DLGAP2: variants seen among roughly 807,000 people sequenced by gnomAD.
The protein encoded by DLGAP2 is disks large-associated protein 2.
In DLGAP2, 26 loss-of-function variants were observed where a neutral mutation model predicts 100.3. That is an observed-to-expected ratio of 0.26 (90% confidence interval 0.19 to 0.36). The LOEUF is 0.36. Among genes scored for constraint, DLGAP2 ranks in the 10% least tolerant of loss-of-function variants. DLGAP2 has a pLI of 1.00. For missense variants in DLGAP2, 1,858 were observed against 1,453.2 expected, an observed-to-expected ratio of 1.28 and a Z score of -4.53; for synonymous variants, 886 against 630.1, an observed-to-expected ratio of 1.41 and a Z score of -6.08.
intron 3 of DLGAP2, among the ~76,000 whole-genome samples, chr8:1,390,701 G>C (rs1207507048): frequency 6.6e-6 from 1 of 152,152 alleles, no homozygotes; most frequent in Non-Finnish European, 1.5e-5. Context: ...GGGTGCTGGT[G>C]GTGAGGGAGG....
At chr8:879,457 C>T (rs953315970) in intron 1 of DLGAP2, among the ~76,000 whole-genome samples, 2 of 152,162 alleles carry the variant, frequency 1.3e-5, no homozygotes, top group Non-Finnish European at 2.9e-5. Context: ...GGGTGTTGAG[C>T]GCTAGGCTCA....
At chr8:1,164,930 A>C (rs1796984990) in intron 2 of DLGAP2, among the ~76,000 whole-genome samples, 1 of 152,128 alleles carries the variant, frequency 6.6e-6, no homozygotes, top group African/African-American at 2.4e-5. Flanking sequence ...CAATCGTGGA[A>C]AATGATAAAG....
chr8:1,683,047 A>G (rs1798999444), intron 12 of DLGAP2, among the ~76,000 whole-genome samples: 1 of 151,648 alleles, frequency 6.6e-6, no homozygotes, highest in Non-Finnish European at 1.5e-5. Context: ...ACTCTCCGAT[A>G]GACAAAAATG....
chr8:1,491,333 C>T (rs949503965), intron 3 of DLGAP2, among the ~76,000 whole-genome samples: 4 of 152,208 alleles, frequency 2.6e-5, no homozygotes, highest in Admixed American at 2.6e-4. Context: ...GCCGCTGCTC[C>T]TGACCCCGGA....
At chr8:1,099,380 C>T (rs2129043361) in intron 2 of DLGAP2, among the ~76,000 whole-genome samples, 1 of 152,310 alleles carries the variant, frequency 6.6e-6, no homozygotes, top group South Asian at 2.1e-4. Context: ...TTCCTGCAGC[C>T]ATTTATCTTT....
At chr8:1,053,128 G>A (rs1473518033) in intron 2 of DLGAP2, among the ~76,000 whole-genome samples, 1 of 152,210 alleles carries the variant, frequency 6.6e-6, no homozygotes, top group African/African-American at 2.4e-5. Flanking sequence ...GAAAAGAGGT[G>A]CTGTACGTTT....
Position 1,630,867 on chromosome 8 carries a change from A to C in DLGAP2, c.1591-1960A>C, listed in dbSNP as rs528819340. Among the ~76,000 whole-genome samples, 12 of 150,206 alleles carry C rather than the reference A, an allele frequency of 8.0e-5. No homozygotes were observed. In the South Asian group the frequency reaches 2.5e-3, roughly 32 times the overall value. ...ACTCTGCTTGGGTTTCCTGCAGCTC[A>C]TGTCCCGAGGGTCTCGGCGGGAGGT... is the stretch of plus-strand genomic sequence containing the variant. On this transcript the variant is annotated intron_variant, in intron 7 of 14. Transcript: ENST00000637795.
At chr8:1,295,502 G>A (rs1003106285) in intron 3 of DLGAP2, among the ~76,000 whole-genome samples, 2 of 152,136 alleles carry the variant, frequency 1.3e-5, no homozygotes, top group South Asian at 2.1e-4. Context: ...TCTGTCCACC[G>A]TGATCTGCTG....
intron 1 of DLGAP2, among the ~76,000 whole-genome samples, chr8:882,791 G>A (rs1221489418): frequency 1.3e-5 from 2 of 152,266 alleles, no homozygotes; most frequent in Non-Finnish European, 2.9e-5. Context: ...GGGCAGCCGT[G>A]CCTGGCCCAG....
At chr8:982,210 G>C (rs943273871) in intron 2 of DLGAP2, among the ~76,000 whole-genome samples, 1 of 152,220 alleles carries the variant, frequency 6.6e-6, no homozygotes, top group African/African-American at 2.4e-5. Flanking sequence ...ACGGAGCAGA[G>C]ATAATAACAG....
At chr8:1,519,589 C>T (rs1158140209) in intron 4 of DLGAP2, among the ~76,000 whole-genome samples, 2 of 152,356 alleles carry the variant, frequency 1.3e-5, no homozygotes, top group South Asian at 2.1e-4. Context: ...TTCTGACGAC[C>T]CTGAGCCTGG....
At chr8:1,537,672 T>A (rs1328859865) in intron 4 of DLGAP2, among the ~76,000 whole-genome samples, 1 of 151,566 alleles carries the variant, frequency 6.6e-6, no homozygotes, top group Admixed American at 6.6e-5. Context: ...TGCCTGTGGC[T>A]TCATGGATGC....
At position 1,010,117 on chromosome 8, in the gene DLGAP2, CTTAA is replaced by C. The variant is rs374599111; in HGVS notation, c.73+102157_73+102160del. Among the ~76,000 whole-genome samples, 193 of 152,346 alleles carry C rather than the reference CTTAA, an allele frequency of 1.3e-3. 3 individuals are homozygous for C. Among genetic ancestry groups the C allele is most frequent in the East Asian group, 4.2e-3 (22 of 5,186 alleles). The stretch of plus-strand genomic sequence containing the variant: ...AACAAACTAAAGATTTTTAAAATAT[CTTAA>C]TTAATCACAAGCTACTTAACTACAT... On this transcript the variant is annotated intron_variant, in intron 2 of 14. Transcript: ENST00000637795.
At chr8:1,188,086 T>C (rs111343082) in intron 2 of DLGAP2, among the ~76,000 whole-genome samples, 2,000 of 42,888 alleles carry the variant, frequency 0.047, 16 homozygotes, top group African/African-American at 0.085. Flanking sequence ...GTTTGCCTCA[T>C]GGAATCTCAC....
At position 1,549,572 on chromosome 8, in the gene DLGAP2, G is replaced by A. The variant is rs774894552; in HGVS notation, c.1119G>A (p.Thr373=). The change falls in exon 5 of 15, where the codon ACG becomes ACA. Residue 373 remains threonine, a synonymous_variant. Transcript: ENST00000637795. ...AKYLKRSSWS[T]LTVSQAKEAY... is the part of the protein sequence containing the mutation. The stretch of plus-strand genomic sequence containing the variant: ...ACCTGAAGCGCAGCTCCTGGTCTAC[G>A]CTGACGGTCAGCCAGGCCAAGGAGG... The A allele has an allele frequency of 9.9e-6, 16 of 1,612,670 alleles. No individual in the cohort carries two copies. The highest frequency in any genetic ancestry group is 1.6e-4 in the Middle Eastern group (1 of 6,084).
chr8:784,686 C>T (rs1020651429), intron 1 of DLGAP2, among the ~76,000 whole-genome samples: 9 of 152,162 alleles, frequency 5.9e-5, no homozygotes, highest in African/African-American at 7.2e-5. Context: ...TGGACCTGAA[C>T]GTGTGACTGT....
At chr8:1,275,504 C>T (rs920470627) in intron 3 of DLGAP2, among the ~76,000 whole-genome samples, 1 of 151,764 alleles carries the variant, frequency 6.6e-6, no homozygotes, top group African/African-American at 2.4e-5. Flanking sequence ...CAGCGTCAAT[C>T]CCAGATGCAG....
At chr8:1,362,671 G>A (rs540531246) in intron 3 of DLGAP2, among the ~76,000 whole-genome samples, 6 of 152,322 alleles carry the variant, frequency 3.9e-5, no homozygotes, top group Admixed American at 2.6e-4. Flanking sequence ...GTGGCAGGCA[G>A]TGCTGAGCCC....
chr8:1,169,196 A>G (rs1467319914), intron 2 of DLGAP2, among the ~76,000 whole-genome samples: 1 of 152,014 alleles, frequency 6.6e-6, no homozygotes, highest in Non-Finnish European at 1.5e-5. Flanking sequence ...GGTTGTAGAT[A>G]TGCGGCGTTA....
Sources: allele counts gnomAD v4.1 joint callset (sites outside exome capture counted in the v4.1 genomes callset), GRCh38; gene constraint gnomAD v4.1.1; transcripts MANE v1.5; gene names NCBI Gene and HGNC (gene_info 2026-07-23, HGNC 2026-07-21).